Variants in SNX29 observed in about 807,000 individuals in gnomAD.
The protein encoded by SNX29 is sorting nexin 29.
SNX29 carries 78 observed loss-of-function variants against 102.1 expected under a neutral mutation model. The ratio of observed to expected loss-of-function variants is 0.76; its 90% confidence interval spans 0.64 to 0.92. The LOEUF (loss-of-function observed/expected upper bound fraction) is 0.92. SNX29 is among the 40% of genes least tolerant of loss of function. The probability of loss-of-function intolerance (pLI) is 0.00; values close to 1 mark genes in which losing one functional copy is unlikely to be tolerated. For synonymous variants in SNX29, 580 were observed against 414.5 expected, an observed-to-expected ratio of 1.40 and a Z score of -4.85; for missense variants, 1,280 against 1,061.7, an observed-to-expected ratio of 1.21 and a Z score of -2.86.
chr16:12,271,350 TTGCCATGAGGTTCTC>T (rs1157892061), intron 14 of SNX29, among the ~76,000 whole-genome samples: 4 of 152,202 alleles, frequency 2.6e-5, no homozygotes, highest in Admixed American at 6.5e-5. Flanking sequence ...CATCAGTTCC[TTGCCATGAGGTTCTC>T]TCCGTAGGAA....
intron 14 of SNX29, among the ~76,000 whole-genome samples, chr16:12,234,073 G>A (rs915268496): frequency 6.6e-6 from 1 of 152,198 alleles, no homozygotes; most frequent in Non-Finnish European, 1.5e-5. Flanking sequence ...TCACGTACAA[G>A]TTGTGTGGAC....
chr16:12,556,987 A>G (rs12444326), intron 20 of SNX29, among the ~76,000 whole-genome samples: 2,723 of 145,108 alleles, frequency 0.019, 218 homozygotes, highest in East Asian at 0.16. Flanking sequence ...TAGCTGGACA[A>G]CAGGTACACA....
At chr16:12,259,653 A>G (rs2078675639) in intron 14 of SNX29, among the ~76,000 whole-genome samples, 1 of 152,094 alleles carries the variant, frequency 6.6e-6, no homozygotes, top group Non-Finnish European at 1.5e-5. Flanking sequence ...TTTTCTCATC[A>G]CCTAATGCTA....
At chr16:12,046,236 G>A in intron 5 of SNX29, 148 bp from the exon 6 acceptor site, 1 of 739,988 alleles carries the variant, frequency 1.4e-6, no homozygotes, top group Admixed American at 2.3e-5. Context: ...ACCAGAAGCT[G>A]TAAACCAGCA....
At chr16:12,466,252 GC>G in intron 18 of SNX29, among the ~76,000 whole-genome samples, 1 of 152,230 alleles carries the variant, frequency 6.6e-6, no homozygotes, top group African/African-American at 2.4e-5. Context: ...CCTTAAAGAT[GC>G]CACCAAAACA....
At chr16:12,152,780 C>T (rs74507451) in intron 13 of SNX29, among the ~76,000 whole-genome samples, 3,716 of 152,278 alleles carry the variant, frequency 0.024, 161 homozygotes, top group African/African-American at 0.086. Flanking sequence ...TTACATTTTC[C>T]GGGTGTTTTC....
chr16:12,237,537 G>A (rs1170063228), intron 14 of SNX29, among the ~76,000 whole-genome samples: 4 of 152,182 alleles, frequency 2.6e-5, no homozygotes, highest in African/African-American at 9.7e-5. Flanking sequence ...TTGGGAGGCT[G>A]AGGTGGGTGG....
chr16:12,416,923 G>A (rs1056236552), intron 18 of SNX29, among the ~76,000 whole-genome samples: 5 of 151,772 alleles, frequency 3.3e-5, no homozygotes, highest in African/African-American at 1.2e-4. Context: ...GATTTGGAGG[G>A]GACAAACATA....
chr16:12,366,433 G>A (rs1345436293), intron 16 of SNX29, among the ~76,000 whole-genome samples: 1 of 152,182 alleles, frequency 6.6e-6, no homozygotes, highest in Non-Finnish European at 1.5e-5. Context: ...TTTTATTGAT[G>A]TACTAGCTAG....
At chr16:12,221,442 C>A (rs928719337) in intron 14 of SNX29, among the ~76,000 whole-genome samples, 7 of 152,122 alleles carry the variant, frequency 4.6e-5, no homozygotes, top group African/African-American at 1.7e-4. Context: ...TGGTAAAACC[C>A]CATCTCTACT....
chr16:12,532,598 CTGAGG>C (rs540396728), intron 20 of SNX29, among the ~76,000 whole-genome samples: 152 of 151,998 alleles, frequency 1.0e-3, no homozygotes, highest in African/African-American at 3.5e-3. Context: ...CCCAGTCTGT[CTGAGG>C]TATTTGGAAA....
chr16:12,116,638 T>C (rs1332358815), intron 11 of SNX29, among the ~76,000 whole-genome samples: 1 of 152,176 alleles, frequency 6.6e-6, no homozygotes, highest in East Asian at 1.9e-4. Flanking sequence ...CACGCCACCA[T>C]ACTCCAGCCT....
chr16:12,566,253 A>G (rs2079001359), intron 20 of SNX29, among the ~76,000 whole-genome samples: 1 of 152,206 alleles, frequency 6.6e-6, no homozygotes, highest in African/African-American at 2.4e-5. Flanking sequence ...CAAGGAAACC[A>G]AGGGTCAGAC....
At chr16:12,088,897 G>A (rs1399207338) in intron 11 of SNX29, among the ~76,000 whole-genome samples, 1 of 152,142 alleles carries the variant, frequency 6.6e-6, no homozygotes, top group Non-Finnish European at 1.5e-5. Context: ...AGACCAGCCT[G>A]GCCAACACAG....
At chr16:12,280,114 T>A (rs1463157310) in intron 15 of SNX29, among the ~76,000 whole-genome samples, 2 of 152,188 alleles carry the variant, frequency 1.3e-5, no homozygotes, top group African/African-American at 4.8e-5. Context: ...AGTTCATTCG[T>A]GGGCCGGGTG....
chr16:12,411,065 T>C (rs1317480943), intron 18 of SNX29, among the ~76,000 whole-genome samples: 2 of 152,140 alleles, frequency 1.3e-5, no homozygotes, highest in Non-Finnish European at 2.9e-5. Context: ...AGTACAGAAA[T>C]GGGAACTGCA....
At position 12,524,904 on chromosome 16, in the gene SNX29, T is replaced by C. The variant is rs9938702; in HGVS notation, c.2318+63T>C. ...GCCAGCATTTTTTTCTCGGTCGTTT[T>C]GGAAGGTCAGGGAGCACAGCGGCTC... On this transcript the variant is annotated intron_variant, in intron 20 of 20. Coordinates refer to ENST00000566228, the MANE Select transcript of SNX29 (RefSeq NM_032167.5). The C allele has an allele frequency of 2.5e-3, 3,992 of 1,591,296 alleles. 105 individuals carry two copies. The African/African-American group carries it at 0.047, about 19-fold the overall frequency.
intron 1 of SNX29, among the ~76,000 whole-genome samples, chr16:11,978,569 G>A (rs201242594): frequency 6.6e-6 from 1 of 152,184 alleles, no homozygotes; most frequent in Non-Finnish European, 1.5e-5. Context: ...GAGCTCATGT[G>A]GGGTAGGAGT....
chr16:12,253,100 A>G (rs1031169382), intron 14 of SNX29, among the ~76,000 whole-genome samples: 1 of 152,148 alleles, frequency 6.6e-6, no homozygotes, highest in Admixed American at 6.5e-5. Context: ...GGGTTCATTC[A>G]CGAGCTGTTC....
Sources: gnomAD v4.1 joint callset for allele counts (sites outside exome capture counted in the v4.1 genomes callset) on GRCh38, gnomAD v4.1.1 for gene constraint, MANE v1.5 for transcripts, NCBI Gene and HGNC (gene_info 2026-07-23, HGNC 2026-07-21) for gene names.